Variants in GALNTL6 observed in about 807,000 individuals in gnomAD.
The protein encoded by GALNTL6 is polypeptide N-acetylgalactosaminyltransferase like 6, also known as polypeptide N-acetylgalactosaminyltransferase-like 6.
Under a neutral mutation model 73.7 loss-of-function variants are expected in GALNTL6, and 46 were observed. The observed-to-expected ratio is 0.62, with a 90% confidence interval of 0.49 to 0.80. The LOEUF (loss-of-function observed/expected upper bound fraction) is 0.80. GALNTL6 is among the 30% of genes least tolerant of loss of function. The probability of loss-of-function intolerance (pLI) is 0.00; values close to 1 mark genes in which losing one functional copy is unlikely to be tolerated. For synonymous variants in GALNTL6, 259 were observed against 263.7 expected (o/e 0.98, Z 0.17); for missense variants, 604 against 755.0 (o/e 0.80, Z 2.34).
intron 2 of GALNTL6, among the ~76,000 whole-genome samples, chr4:172,076,266 C>T (rs1731701688): frequency 6.6e-6 from 1 of 152,118 alleles, no homozygotes; most frequent in Admixed American, 6.5e-5. Flanking sequence ...TCCTATTCAG[C>T]ATCTCTTTTC....
intron 2 of GALNTL6, among the ~76,000 whole-genome samples, chr4:172,010,959 C>T (rs1485320366): frequency 6.6e-6 from 1 of 151,948 alleles, no homozygotes; most frequent in Non-Finnish European, 1.5e-5. Context: ...ATATTGTAAA[C>T]AAAATTATGA....
At chr4:171,818,304 A>G (rs986685398) in intron 2 of GALNTL6, among the ~76,000 whole-genome samples, 1 of 151,896 alleles carries the variant, frequency 6.6e-6, no homozygotes, top group Non-Finnish European at 1.5e-5. Flanking sequence ...ATTCAAGAAT[A>G]TGTGAAAAAA....
At chr4:172,807,987 T>G (rs747604240) in intron 5 of GALNTL6, among the ~76,000 whole-genome samples, 2 of 152,128 alleles carry the variant, frequency 1.3e-5, no homozygotes, top group Non-Finnish European at 2.9e-5. Context: ...CACGCCTAGC[T>G]AATTTTTGTA....
chr4:172,358,897 G>C (rs987580460), intron 5 of GALNTL6, among the ~76,000 whole-genome samples: 1 of 145,878 alleles, frequency 6.9e-6, no homozygotes, highest in South Asian at 2.2e-4. Context: ...GGCTGGTGAG[G>C]TTCAGAGAAA....
intron 3 of GALNTL6, among the ~76,000 whole-genome samples, chr4:172,269,036 C>T (rs1447298784): frequency 6.6e-6 from 1 of 152,132 alleles, no homozygotes; most frequent in African/African-American, 2.4e-5. Flanking sequence ...TCTGTGGTAG[C>T]CACATATTTT....
chr4:172,185,422 A>G (rs570261639), intron 2 of GALNTL6, among the ~76,000 whole-genome samples: 14 of 152,332 alleles, frequency 9.2e-5, no homozygotes, highest in African/African-American at 2.4e-4. Flanking sequence ...CAATCTTGGT[A>G]GCATAAGATC....
chr4:172,407,950 A>G (rs1350700182), intron 5 of GALNTL6, among the ~76,000 whole-genome samples: 1 of 152,082 alleles, frequency 6.6e-6, no homozygotes, highest in Non-Finnish European at 1.5e-5. Flanking sequence ...ATAACTTGCC[A>G]ATATATTATT....
chr4:172,658,131 C>A (rs1338882232), intron 5 of GALNTL6, among the ~76,000 whole-genome samples: 1 of 73,870 alleles, frequency 1.4e-5, no homozygotes, highest in Non-Finnish European at 2.4e-5. Flanking sequence ...GCCTGGGTGA[C>A]AGAGCGAGAC....
rs535859825 is a variant in GALNTL6 at position 172,430,132 on chromosome 4, A to T, written c.553+81443A>T. Among the ~76,000 whole-genome samples, 21 of 152,130 alleles carry T rather than the reference A, an allele frequency of 1.4e-4. No homozygotes were observed. In the East Asian group the frequency reaches 3.3e-3, roughly 24 times the overall value. On this transcript the variant is annotated intron_variant, in intron 5 of 12. Transcript: ENST00000506823. Reference sequence around the variant, plus strand: ...GAAGTGAAACGGAGAGAAAATATTAAAGCTAGTTGACCATAAAAGTTATCA... The same window carrying T: ...GAAGTGAAACGGAGAGAAAATATTATAGCTAGTTGACCATAAAAGTTATCA...
At chr4:171,894,566 G>T (rs1428643544) in intron 2 of GALNTL6, among the ~76,000 whole-genome samples, 1 of 152,166 alleles carries the variant, frequency 6.6e-6, no homozygotes, top group Non-Finnish European at 1.5e-5. Context: ...TTTTTGAAAA[G>T]ATGGAATCTT....
chr4:172,550,656 A>G (rs951954893), intron 5 of GALNTL6, among the ~76,000 whole-genome samples: 2 of 152,120 alleles, frequency 1.3e-5, no homozygotes, highest in African/African-American at 4.8e-5. Context: ...GGAATGCAGT[A>G]GTGTGATTAT....
At chr4:172,633,809 A>T (rs78282305) in intron 5 of GALNTL6, among the ~76,000 whole-genome samples, 1 of 152,172 alleles carries the variant, frequency 6.6e-6, no homozygotes, top group East Asian at 1.9e-4. Flanking sequence ...TCATGAGGGC[A>T]GTTTTGCCCA....
At chr4:172,545,547 T>C (rs577883156) in intron 5 of GALNTL6, 2 of 152,370 alleles carry the variant, frequency 1.3e-5, no homozygotes, top group East Asian at 3.9e-4. Context: ...TAAGCAAGCA[T>C]GGAATGGCAA....
chr4:172,648,328 G>A (rs920427265), intron 5 of GALNTL6, among the ~76,000 whole-genome samples: 44 of 152,240 alleles, frequency 2.9e-4, no homozygotes, highest in African/African-American at 1.0e-3. Flanking sequence ...AGGGTTTAAA[G>A]CTGTTTCTGA....
intron 5 of GALNTL6, among the ~76,000 whole-genome samples, chr4:172,737,225 C>T (rs1468506295): frequency 6.6e-6 from 1 of 152,160 alleles, no homozygotes; most frequent in African/African-American, 2.4e-5. Context: ...GCTCAGCTCC[C>T]TCTTGAATGG....
intron 5 of GALNTL6, among the ~76,000 whole-genome samples, chr4:172,568,590 A>G (rs1736645600): frequency 1.3e-5 from 2 of 151,474 alleles, no homozygotes; most frequent in African/African-American, 4.8e-5. Context: ...CCCCGTCTCT[A>G]CTAAAAATAC....
At chr4:172,614,957 T>C (rs564617801) in intron 5 of GALNTL6, among the ~76,000 whole-genome samples, 2 of 152,284 alleles carry the variant, frequency 1.3e-5, no homozygotes, top group African/African-American at 4.8e-5. Context: ...AGAAGAAACG[T>C]GTGCTTCCCA....
intron 5 of GALNTL6, among the ~76,000 whole-genome samples, chr4:172,724,630 A>G (rs2118441): frequency 0.81 from 122,830 of 152,106 alleles, 50,307 homozygotes; most frequent in Middle Eastern, 0.93. Flanking sequence ...CCTGACACAC[A>G]GCAAGACCTC....
chr4:172,831,526 G>A lies in GALNTL6; in HGVS notation c.923+17803G>A, dbSNP rs567984998. Among the ~76,000 whole-genome samples the A allele has an allele frequency of 2.0e-5, 3 of 152,318 alleles. No individual in the cohort carries two copies. In the East Asian group the frequency reaches 5.8e-4, roughly 29 times the overall value. On this transcript the variant is annotated intron_variant, in intron 7 of 12. Coordinates refer to ENST00000506823, the MANE Select transcript of GALNTL6 (RefSeq NM_001034845.3). ...TGAAAGATCAGCACAAATAAAGAAA[G>A]GTGGTGGAGATGGGGAAAGAAAGAT...
Sources: gnomAD v4.1 joint callset for allele counts (sites outside exome capture counted in the v4.1 genomes callset) on GRCh38, gnomAD v4.1.1 for gene constraint, MANE v1.5 for transcripts, NCBI Gene and HGNC (gene_info 2026-07-23, HGNC 2026-07-21) for gene names.